The following CPEB3 variants were observed in gnomAD, a reference collection of about 807,000 sequenced individuals.
CPEB3 encodes cytoplasmic polyadenylation element-binding protein 3.
Under a neutral mutation model 67.2 loss-of-function variants are expected in CPEB3, and 20 were observed. The observed-to-expected ratio is 0.30, with a 90% confidence interval of 0.21 to 0.43. CPEB3 has a LOEUF of 0.43. CPEB3 is among the 20% of genes least tolerant of loss of function. CPEB3 has a pLI of 1.00. For missense variants in CPEB3, 746 were observed against 968.6 expected, an observed-to-expected ratio of 0.77 and a Z score of 3.05; for synonymous variants, 376 against 393.1, an observed-to-expected ratio of 0.96 and a Z score of 0.51.
Position 92,051,865 on chromosome 10 carries a change from C to G in CPEB3, c.*347G>C, listed in dbSNP as rs1385382331. ...ATCAGAACAACACCACAACAACAAA[C>G]AAAAGAATCACAGACAGTAGCCTGA... On this transcript the variant is annotated 3_prime_UTR_variant, in exon 10 of 10. Transcript: ENST00000265997. 1 of 192,826 alleles carries G rather than the reference C, an allele frequency of 5.2e-6. No individual in the cohort carries two copies. Among genetic ancestry groups the G allele is most frequent in the African/African-American group, 2.3e-5 (1 of 42,556 alleles). The allele number at this position is 192,826 out of a possible 1,614,324, so 11.9% of individuals were successfully genotyped here.
intron 1 of CPEB3, among the ~76,000 whole-genome samples, chr10:92,272,559 C>T (rs1176892533): frequency 1.3e-5 from 2 of 152,118 alleles, no homozygotes; most frequent in Non-Finnish European, 2.9e-5. Flanking sequence ...AATCCAACAT[C>T]ACAGAGTTCA....
intron 1 of CPEB3, among the ~76,000 whole-genome samples, chr10:92,240,831 T>C (rs1313348826): frequency 6.6e-6 from 1 of 151,654 alleles, no homozygotes; most frequent in Admixed American, 6.6e-5. Context: ...CGACCCTTTC[T>C]TCTCCCTTCC....
chr10:92,191,856 T>G (rs1004672932), intron 3 of CPEB3, among the ~76,000 whole-genome samples: 1 of 152,232 alleles, frequency 6.6e-6, no homozygotes, highest in Admixed American at 6.5e-5. Flanking sequence ...CTATCCTGAA[T>G]TTACACAGGC....
chr10:92,115,504 C>T (rs1844975362), intron 6 of CPEB3, among the ~76,000 whole-genome samples: 1 of 152,122 alleles, frequency 6.6e-6, no homozygotes, highest in Admixed American at 6.5e-5. Flanking sequence ...ATGGAATGAA[C>T]GATTTATATT....
intron 1 of CPEB3, among the ~76,000 whole-genome samples, chr10:92,261,023 A>C (rs948867607): frequency 2.0e-5 from 3 of 152,162 alleles, no homozygotes; most frequent in African/African-American, 7.2e-5. Context: ...TGTTTGCTAC[A>C]ACCTCTGCCT....
intron 2 of CPEB3, among the ~76,000 whole-genome samples, chr10:92,214,273 C>T (rs1850235200): frequency 1.3e-5 from 2 of 152,120 alleles, no homozygotes; most frequent in African/African-American, 4.8e-5. Flanking sequence ...ATCCCTCTGT[C>T]ATGTGAAGAC....
In CPEB3 at chr10:92,145,030, A is replaced by T. The variant is rs368030803; in HGVS notation, c.1278T>A (p.Ser426=). The change falls in exon 5 of 10, where the codon TCT becomes TCA. Residue 426 remains serine (S), a synonymous_variant. Coordinates refer to ENST00000265997, the MANE Select transcript of CPEB3 (RefSeq NM_014912.5). ...GDQALSSGLS[S]PTRCQNGERV... ...GTTCCCCATTTTGACAGCGAGTGGGAGAACTTAAGCCAGATGACAAGGCTT... is the reference window on the plus strand; with the variant it reads ...GTTCCCCATTTTGACAGCGAGTGGGTGAACTTAAGCCAGATGACAAGGCTT... 3 of 1,613,998 alleles carry T rather than the reference A, an allele frequency of 1.9e-6. No homozygotes were observed. The African/African-American group carries it at 4.0e-5, about 22-fold the overall frequency.
intron 2 of CPEB3, among the ~76,000 whole-genome samples, chr10:92,222,472 C>T (rs1003681969): frequency 3.3e-5 from 5 of 152,134 alleles, no homozygotes; most frequent in African/African-American, 1.2e-4. Flanking sequence ...AAGCTAGATA[C>T]AACAGCAATC....
At chr10:92,164,690 C>A (rs1159901580) in intron 4 of CPEB3, among the ~76,000 whole-genome samples, 1 of 152,112 alleles carries the variant, frequency 6.6e-6, no homozygotes, top group Non-Finnish European at 1.5e-5. Flanking sequence ...ATTCACCAGT[C>A]GGTAAACATT....
chr10:92,170,884 T>C (rs1847969809), intron 4 of CPEB3, among the ~76,000 whole-genome samples: 1 of 152,238 alleles, frequency 6.6e-6, no homozygotes, highest in African/African-American at 2.4e-5. Context: ...ACCACCACTA[T>C]GCCAAAAATC....
chr10:92,158,982 C>T (rs367640272), intron 4 of CPEB3, among the ~76,000 whole-genome samples: 4 of 152,316 alleles, frequency 2.6e-5, no homozygotes, highest in South Asian at 4.1e-4. Context: ...GTGTAACAGG[C>T]TGGGTGTGGT....
chr10:92,103,838 A>C (rs1305283352), intron 7 of CPEB3, among the ~76,000 whole-genome samples: 1 of 152,220 alleles, frequency 6.6e-6, no homozygotes, highest in Non-Finnish European at 1.5e-5. Context: ...ACTTTGTCCA[A>C]TGTCTATATA....
intron 6 of CPEB3, 109 bp from the exon 7 acceptor site, chr10:92,111,303 T>C: frequency 1.3e-6 from 1 of 783,512 alleles, no homozygotes; most frequent in Non-Finnish European, 2.2e-6. Flanking sequence ...TACTAAAATC[T>C]AAGAAGTTCA....
chr10:92,135,725 G>A (rs1216458783), intron 6 of CPEB3, among the ~76,000 whole-genome samples: 2 of 151,992 alleles, frequency 1.3e-5, no homozygotes, highest in African/African-American at 4.8e-5. Context: ...TGTTTATTGT[G>A]GCACTATTCA....
At position 92,145,252 on chromosome 10, in the gene CPEB3, G is replaced by A. The variant is rs1846623803; in HGVS notation, c.1223-167C>T. The stretch of plus-strand genomic sequence containing the variant: ...TGGCTTTTCCAAGATTAACAGGACT[G>A]AATATTACCAGATAACTTTTTATCA... On this transcript the variant is annotated intron_variant, in intron 4 of 9. Transcript: ENST00000265997. The A allele has an allele frequency of 4.5e-6, 3 of 673,068 alleles. No homozygotes were observed. The South Asian group carries it at 6.0e-5, about 13-fold the overall frequency. 41.7% of individuals were successfully genotyped at this position (673,068 alleles called of 1,614,324 possible).
In CPEB3 at chr10:92,254,835, C is replaced by T. The variant is rs77740284; in HGVS notation, c.-11-14474G>A. On this transcript the variant is annotated intron_variant, in intron 1 of 9. Coordinates refer to ENST00000265997, the MANE Select transcript of CPEB3 (RefSeq NM_014912.5). The stretch of plus-strand genomic sequence containing the variant: ...CACCACACCCAGCTAATTTTTCTTT[C>T]CTTTTCCCTTTTCCTTATTTTTTTA... Among the ~76,000 whole-genome samples, 257 of 151,686 alleles carry T rather than the reference C, an allele frequency of 1.7e-3. 1 individual carries two copies. The highest frequency in any genetic ancestry group is 3.4e-3 in the Middle Eastern group (1 of 294).
At chr10:92,123,434 A>G (rs1032425644) in intron 6 of CPEB3, among the ~76,000 whole-genome samples, 2 of 152,234 alleles carry the variant, frequency 1.3e-5, no homozygotes, top group Admixed American at 1.3e-4. Flanking sequence ...AATAAGCCTA[A>G]GTATTGTGTT....
At chr10:92,143,880 T>C (rs1846555282) in intron 5 of CPEB3, among the ~76,000 whole-genome samples, 1 of 152,188 alleles carries the variant, frequency 6.6e-6, no homozygotes, top group Non-Finnish European at 1.5e-5. Context: ...TTAATGTAGT[T>C]AGTCTAAAAT....
At chr10:92,069,754 A>G (rs577298137) in intron 9 of CPEB3, among the ~76,000 whole-genome samples, 9 of 152,336 alleles carry the variant, frequency 5.9e-5, no homozygotes, top group Admixed American at 1.3e-4. Flanking sequence ...TGGCAAACTA[A>G]AAGTCGCTCT....
Sources: gnomAD v4.1 joint callset for allele counts (sites outside exome capture counted in the v4.1 genomes callset) on GRCh38, gnomAD v4.1.1 for gene constraint, MANE v1.5 for transcripts, NCBI Gene and HGNC (gene_info 2026-07-23, HGNC 2026-07-21) for gene names.